DPP10: variants seen among roughly 807,000 people sequenced by gnomAD.
The protein encoded by DPP10 is inactive dipeptidyl peptidase 10.
Under a neutral mutation model 120.9 loss-of-function variants are expected in DPP10, and 33 were observed. That is an observed-to-expected ratio of 0.27 (90% CI 0.21 to 0.37). The LOEUF is 0.37. Among genes scored for constraint, DPP10 ranks in the 10% least tolerant of loss-of-function variants. The pLI, the probability that DPP10 is intolerant of heterozygous loss-of-function variation, is 1.00. For synonymous variants in DPP10, 337 were observed against 326.1 expected (o/e 1.03, Z -0.36); for missense variants, 816 against 942.8 (o/e 0.87, Z 1.76).
chr2:115,292,274 A>T (rs1239409135), intron 1 of DPP10, among the ~76,000 whole-genome samples: 2 of 152,040 alleles, frequency 1.3e-5, no homozygotes, highest in African/African-American at 4.8e-5. Flanking sequence ...AAAACCAATT[A>T]TGTTTTTTCC....
rs1183562419 is a variant in DPP10, at chr2:115,844,636, G to C, written c.*2291G>C. The C allele has an allele frequency of 6.6e-6, 1 of 152,046 alleles. No homozygotes were observed. The highest frequency in any genetic ancestry group is 1.9e-4 in the East Asian group (1 of 5,186). 9.4% of individuals were successfully genotyped at this position (152,046 alleles called of 1,614,324 possible). A position where few individuals can be genotyped will look rare whatever the true frequency, so the allele number is the denominator to read the frequency against. On this transcript the variant is annotated 3_prime_UTR_variant, in exon 26 of 26. Transcript: ENST00000410059. ...GAATCATGTGATTGGATTTTCCCCTGTATACATGTACCCTTGGTCATAATC... is the reference window on the plus strand; with the variant it reads ...GAATCATGTGATTGGATTTTCCCCTCTATACATGTACCCTTGGTCATAATC...
chr2:115,711,915 G>GTTTTTTTTTTTTTTTTTTTTTTTTTTTTT lies in DPP10; in HGVS notation c.577-15901_577-15900insTTTTTTTTTTTTTTTTTTTTTTTTTTTTT, dbSNP rs1491280011. Among the ~76,000 whole-genome samples the GTTTTTTTTTTTTTTTTTTTTTTTTTTTTT allele has an allele frequency of 5.2e-5, 5 of 96,986 alleles. 2 individuals are homozygous for GTTTTTTTTTTTTTTTTTTTTTTTTTTTTT. Among genetic ancestry groups the GTTTTTTTTTTTTTTTTTTTTTTTTTTTTT allele is most frequent in the Admixed American group, 2.4e-4 (2 of 8,410 alleles). The allele number at this position is 96,986 out of a possible 152,430, so 63.6% of individuals were successfully genotyped here. On this transcript the variant is annotated intron_variant, in intron 7 of 25. Transcript: ENST00000410059. ...GAATATTGGACCTATAAAATGGTCT[G>GTTTTTTTTTTTTTTTTTTTTTTTTTTTTT]GTTTTTTTTTTTTTTTTTTTTTTGG...
At chr2:115,562,455 A>G (rs1558853677) in intron 5 of DPP10, among the ~76,000 whole-genome samples, 1 of 152,186 alleles carries the variant, frequency 6.6e-6, no homozygotes, top group Non-Finnish European at 1.5e-5. Context: ...CCTAAGATCA[A>G]TCATGATTCC....
At chr2:114,463,044 C>T (rs1418958045) in intron 1 of DPP10, among the ~76,000 whole-genome samples, 1 of 152,130 alleles carries the variant, frequency 6.6e-6, no homozygotes, top group African/African-American at 2.4e-5. Flanking sequence ...CCCGAGGACT[C>T]TGGTTTCTTT....
chr2:115,411,204 T>G (rs944743899), intron 3 of DPP10, among the ~76,000 whole-genome samples: 2 of 152,018 alleles, frequency 1.3e-5, no homozygotes, highest in Non-Finnish European at 2.9e-5. Flanking sequence ...TGGTGGCGCA[T>G]GCCTGTAGTC....
At chr2:114,822,773 A>G (rs915964443) in intron 1 of DPP10, among the ~76,000 whole-genome samples, 1 of 152,042 alleles carries the variant, frequency 6.6e-6, no homozygotes, top group Non-Finnish European at 1.5e-5. Flanking sequence ...CTCAAGTTCA[A>G]ACTTCCACAA....
chr2:115,380,207 C>A (rs577763388), intron 3 of DPP10, among the ~76,000 whole-genome samples: 1 of 152,096 alleles, frequency 6.6e-6, no homozygotes, highest in African/African-American at 2.4e-5. Context: ...GTAGGTCACT[C>A]AGGACTTGCT....
chr2:115,352,805 C>T (rs930788203), intron 3 of DPP10, among the ~76,000 whole-genome samples: 4 of 152,042 alleles, frequency 2.6e-5, no homozygotes, highest in Non-Finnish European at 4.4e-5. Context: ...AGTCCAATTA[C>T]GATGAAGTTT....
intron 2 of DPP10, among the ~76,000 whole-genome samples, chr2:115,333,636 CAGCAT>C: frequency 6.6e-6 from 1 of 152,140 alleles, no homozygotes; most frequent in Admixed American, 6.6e-5. Flanking sequence ...CAAAATCTCT[CAGCAT>C]TTGCTTGTCT....
At chr2:115,554,278 C>T (rs965720558) in intron 5 of DPP10, among the ~76,000 whole-genome samples, 1 of 151,508 alleles carries the variant, frequency 6.6e-6, no homozygotes, top group Non-Finnish European at 1.5e-5. Flanking sequence ...ACTGTAAGGA[C>T]AGCAAGCAGA....
Position 115,337,745 on chromosome 2 carries a change from A to G in DPP10, c.176-6072A>G, listed in dbSNP as rs181217542. 9.4e-4 allele frequency among the ~76,000 whole-genome samples: 140 copies of G among 149,020 alleles called. No individual in the cohort carries two copies. The Middle Eastern group carries it at 0.011, about 11-fold the overall frequency. Reference sequence around the variant, plus strand: ...TAAAAGAGAAGCTTAATTATTCATTATGTGTATAAGGAAGGAGTCTTTATT... The same window carrying G: ...TAAAAGAGAAGCTTAATTATTCATTGTGTGTATAAGGAAGGAGTCTTTATT... On this transcript the variant is annotated intron_variant, in intron 2 of 25. Transcript: ENST00000410059.
chr2:115,443,215 T>C (rs1290816898), intron 3 of DPP10, among the ~76,000 whole-genome samples: 1 of 152,190 alleles, frequency 6.6e-6, no homozygotes, highest in Admixed American at 6.6e-5. Flanking sequence ...TTACCACGAT[T>C]TGAGCACAGT....
intron 1 of DPP10, among the ~76,000 whole-genome samples, chr2:114,863,405 T>G (rs6542226): frequency 0.99 from 150,969 of 152,284 alleles, 74,848 homozygotes; most frequent in East Asian, 1. Context: ...GTGGGACTGG[T>G]GAGATGAAGT....
intron 19 of DPP10, among the ~76,000 whole-genome samples, chr2:115,807,839 A>G (rs1217440539): frequency 6.6e-6 from 1 of 151,904 alleles, no homozygotes; most frequent in Non-Finnish European, 1.5e-5. Context: ...GTTTTTTTTA[A>G]TTCTTTAAAA....
At chr2:115,458,249 C>G (rs1310237581) in intron 3 of DPP10, among the ~76,000 whole-genome samples, 1 of 151,956 alleles carries the variant, frequency 6.6e-6, no homozygotes, top group Admixed American at 6.6e-5. Context: ...CAGCCTCTTA[C>G]CATAGGGATG....
intron 5 of DPP10, among the ~76,000 whole-genome samples, chr2:115,616,272 T>C (rs543376588): frequency 8.0e-4 from 122 of 152,232 alleles, no homozygotes; most frequent in Non-Finnish European, 1.4e-3. Flanking sequence ...AAGGAATTTA[T>C]ATGTATATTA....
intron 1 of DPP10, among the ~76,000 whole-genome samples, chr2:114,597,303 G>A (rs1390889723): frequency 6.6e-6 from 1 of 151,872 alleles, no homozygotes; most frequent in Non-Finnish European, 1.5e-5. Flanking sequence ...AAGTGACTGG[G>A]GACAGACAAT....
chr2:114,570,826 C>G (rs1195452490), intron 1 of DPP10, among the ~76,000 whole-genome samples: 5 of 119,962 alleles, frequency 4.2e-5, no homozygotes, highest in African/African-American at 1.3e-4. Flanking sequence ...GAGTGAGACT[C>G]TGTCTCAAAT....
intron 5 of DPP10, among the ~76,000 whole-genome samples, chr2:115,545,175 GA>G (rs1447142765): frequency 1.3e-5 from 2 of 151,986 alleles, no homozygotes; most frequent in Non-Finnish European, 2.9e-5. Context: ...ATGGCAAAAG[GA>G]AAAATTTTAT....
Sources: allele counts gnomAD v4.1 joint callset (sites outside exome capture counted in the v4.1 genomes callset), GRCh38; gene constraint gnomAD v4.1.1; transcripts MANE v1.5; gene names NCBI Gene and HGNC (gene_info 2026-07-23, HGNC 2026-07-21).